LAMC3: variants seen among roughly 807,000 people sequenced by gnomAD.
LAMC3 encodes the protein laminin subunit gamma-3.
A neutral mutation model predicts 173.8 loss-of-function variants in LAMC3; 128 were observed. The observed-to-expected ratio is 0.74, with a 90% CI of 0.64 to 0.85. The LOEUF (loss-of-function observed/expected upper bound fraction) is 0.85. Ranked by LOEUF, LAMC3 falls within the 40% of genes least tolerant of loss-of-function variation. The probability of loss-of-function intolerance (pLI) is 0.00; values close to 1 mark genes in which losing one functional copy is unlikely to be tolerated. For missense variants in LAMC3, 2,022 were observed against 2,156.0 expected, an observed-to-expected ratio of 0.94 and a Z score of 1.23; for synonymous variants, 897 against 909.1, an observed-to-expected ratio of 0.99 and a Z score of 0.24.
intron 20 of LAMC3, among the ~76,000 whole-genome samples, chr9:131,075,621 A>C (rs1305154515): frequency 6.6e-6 from 1 of 151,874 alleles, no homozygotes; most frequent in Admixed American, 6.6e-5. Context: ...CACAAACTCT[A>C]TGTCTCTGTG....
chr9:131,081,447 C>T (rs111434584), intron 23 of LAMC3, among the ~76,000 whole-genome samples: 1 of 147,428 alleles, frequency 6.8e-6, no homozygotes, highest in South Asian at 2.3e-4. Flanking sequence ...CCCTCCCTCC[C>T]TCCCTCCCTC....
chr9:131,057,324 T>C (rs928785662), intron 12 of LAMC3, among the ~76,000 whole-genome samples, 177 bp downstream of exon 12: 3 of 152,274 alleles, frequency 2.0e-5, no homozygotes, highest in Non-Finnish European at 4.4e-5. Flanking sequence ...CATAGTTTAA[T>C]AAAAGTTACT....
intron 23 of LAMC3, among the ~76,000 whole-genome samples, chr9:131,080,158 T>C (rs948564341): frequency 1.3e-5 from 2 of 151,932 alleles, no homozygotes; most frequent in African/African-American, 2.4e-5. Context: ...GTATTTTTAG[T>C]AGAGATGGGG....
Position 131,018,136 on chromosome 9 carries a change from CT to C in LAMC3, c.374-8134del, listed in dbSNP as rs776279087. Among the ~76,000 whole-genome samples, 1,100 of 142,896 alleles carry C rather than the reference CT, an allele frequency of 7.7e-3. 11 individuals carry two copies. Among genetic ancestry groups the C allele is most frequent in the African/African-American group, 0.019 (762 of 39,314 alleles). 93.7% of individuals were successfully genotyped at this position (142,896 alleles called of 152,430 possible). A position where few individuals can be genotyped will look rare whatever the true frequency, so the allele number is the denominator to read the frequency against. ...GTTGGGAAAGGAGTGGCCCCAAGAT[CT>C]TTTTTTTTTTTTTTCTTGAGTTGGA... On this transcript the variant is annotated intron_variant, in intron 1 of 27. Transcript: ENST00000361069.
intron 1 of LAMC3, among the ~76,000 whole-genome samples, chr9:131,021,964 C>T (rs1833633736): frequency 6.6e-6 from 1 of 152,212 alleles, no homozygotes. Context: ...TTCAGCCATC[C>T]AGAAGCTCCC....
chr9:131,068,154 G>A lies in LAMC3; in HGVS notation c.2670G>A (p.Leu890=). 2.5e-6 allele frequency: 4 copies of A among 1,613,358 alleles called. No individual in the cohort carries two copies. Among genetic ancestry groups the A allele is most frequent in the Non-Finnish European group, 2.5e-6 (3 of 1,180,034 alleles). ...CAGTGACAGGCCAATGCTCCTGCCT[G>A]CCTCATGTGACTGCACGGGACTGCA... ...CDPVTGQCSC[L]PHVTARDCSR... is the part of the protein sequence containing the mutation. The change falls in exon 15 of 28, where the codon CTG becomes CTA. Residue 890 remains leucine, a synonymous_variant. Coordinates refer to ENST00000361069, the MANE Select transcript of LAMC3 (RefSeq NM_006059.4).
At chr9:131,063,434 G>A (rs1829869163) in intron 13 of LAMC3, among the ~76,000 whole-genome samples, 1 of 152,218 alleles carries the variant, frequency 6.6e-6, no homozygotes, top group African/African-American at 2.4e-5. Flanking sequence ...GCAGTGCTGT[G>A]TGCAGAGGGA....
At chr9:131,038,321 G>C (rs1419385406) in intron 4 of LAMC3, among the ~76,000 whole-genome samples, 6 of 152,202 alleles carry the variant, frequency 3.9e-5, no homozygotes, top group Non-Finnish European at 8.8e-5. Context: ...GAGGGCGGCA[G>C]GTGTAAATGG....
At chr9:131,054,639 A>G (rs1834364886) in intron 11 of LAMC3, among the ~76,000 whole-genome samples, 1 of 152,064 alleles carries the variant, frequency 6.6e-6, no homozygotes, top group South Asian at 2.1e-4. Flanking sequence ...CTGTAATCCC[A>G]GCTACTCGGG....
At chr9:131,038,226 G>A (rs1047870537) in intron 4 of LAMC3, among the ~76,000 whole-genome samples, 6 of 152,062 alleles carry the variant, frequency 3.9e-5, no homozygotes, top group African/African-American at 1.2e-4. Context: ...CCCTTCTTTC[G>A]GCTCCCAAAG....
intron 11 of LAMC3, 71 bp downstream of exon 11, chr9:131,053,036 GGTCACAGTCTT>G: frequency 8.6e-7 from 1 of 1,161,410 alleles, no homozygotes; most frequent in Non-Finnish European, 1.3e-6. Context: ...GGGCTCCGGC[GGTCACAGTCTT>G]GTCAGGGCCT....
chr9:131,047,540 G>C (rs1256333179), intron 8 of LAMC3, among the ~76,000 whole-genome samples: 1 of 148,792 alleles, frequency 6.7e-6, no homozygotes, highest in African/African-American at 2.5e-5. Flanking sequence ...GGTTTGTATG[G>C]ATATTTGCTG....
At chr9:131,057,955 C>G (rs1013578698) in intron 12 of LAMC3, among the ~76,000 whole-genome samples, 2 of 152,226 alleles carry the variant, frequency 1.3e-5, no homozygotes, top group African/African-American at 2.4e-5. Context: ...CCTGCGGGGC[C>G]GGGACCCTTC....
Position 131,087,833 on chromosome 9 carries a change from G to A in LAMC3, c.4477+16G>A. The A allele has an allele frequency of 6.2e-7, 1 of 1,610,352 alleles. No homozygotes were observed. The highest frequency in any genetic ancestry group is 8.5e-7 in the Non-Finnish European group (1 of 1,177,032). On this transcript the variant is annotated intron_variant, in intron 27 of 27. Transcript: ENST00000361069. The stretch of plus-strand genomic sequence containing the variant: ...GCCAGGCTGGGTAAGGAGGCCCTAA[G>A]GCTGGGCCCTGAACCCCTGGGTCCC...
rs571576788 is a variant in LAMC3 at position 131,055,207 on chromosome 9, C to T, written c.1940-1722C>T. Among the ~76,000 whole-genome samples the T allele has an allele frequency of 2.4e-4, 36 of 152,172 alleles. No individual in the cohort carries two copies. In the East Asian group the frequency reaches 6.0e-3, roughly 25 times the overall value. Reference sequence around the variant, plus strand: ...CATTTTCCATTTTGATCCACACTGCCAAATTTTCCTTCAGAAAGGCTGCTC... The same window carrying T: ...CATTTTCCATTTTGATCCACACTGCTAAATTTTCCTTCAGAAAGGCTGCTC... On this transcript the variant is annotated intron_variant, in intron 11 of 27. Coordinates refer to ENST00000361069, the MANE Select transcript of LAMC3 (RefSeq NM_006059.4).
chr9:131,012,637 A>G (rs1833441704), intron 1 of LAMC3, among the ~76,000 whole-genome samples: 1 of 152,222 alleles, frequency 6.6e-6, no homozygotes, highest in Non-Finnish European at 1.5e-5. Flanking sequence ...AGGCTAAGCC[A>G]TGGCTTGCAT....
Position 131,072,709 on chromosome 9 carries a change from G to A in LAMC3, c.3291G>A (p.Leu1097=). The A allele has an allele frequency of 6.2e-7, 1 of 1,612,284 alleles. No individual in the cohort carries two copies. Among genetic ancestry groups the A allele is most frequent in the South Asian group, 1.1e-5 (1 of 90,716 alleles). ...VKAAREQLQR[L]NKGARCAQAG... Reference sequence around the variant, plus strand: ...CCGCCCGGGAGCAGCTGCAGAGGCTGAACAAGGGTGCCCGCTGTGCCCAGG... The same window carrying A: ...CCGCCCGGGAGCAGCTGCAGAGGCTAAACAAGGGTGCCCGCTGTGCCCAGG... Residue 1097 remains leucine (L), a synonymous_variant, in exon 19 of 28, where the codon CTG becomes CTA. Coordinates refer to ENST00000361069, the MANE Select transcript of LAMC3 (RefSeq NM_006059.4).
At chr9:131,023,606 A>AT (rs1261325274) in intron 1 of LAMC3, among the ~76,000 whole-genome samples, 2 of 151,904 alleles carry the variant, frequency 1.3e-5, no homozygotes, top group African/African-American at 4.8e-5. Flanking sequence ...AACCTTTGCC[A>AT]TTTTTGTTTT....
chr9:131,032,561 T>TCTCTCTTGCTCTCTCTCGCTTG (rs1202439620), intron 3 of LAMC3, among the ~76,000 whole-genome samples: 4 of 133,212 alleles, frequency 3.0e-5, no homozygotes, highest in Non-Finnish European at 6.0e-5. Context: ...TCTCTCGCTC[T>TCTCTCTTGCTCTCTCTCGCTTG]CTCTCTTGCT....
Sources: gnomAD v4.1 joint callset for allele counts (sites outside exome capture counted in the v4.1 genomes callset) on GRCh38, gnomAD v4.1.1 for gene constraint, MANE v1.5 for transcripts, NCBI Gene and HGNC (gene_info 2026-07-23, HGNC 2026-07-21) for gene names.